Variants in PARVA observed in about 807,000 individuals in gnomAD.
The protein encoded by PARVA is alpha-parvin.
In PARVA, 25 loss-of-function variants were observed where a neutral mutation model predicts 52.6. The ratio of observed to expected loss-of-function variants is 0.48; its 90% CI spans 0.35 to 0.66. The LOEUF (loss-of-function observed/expected upper bound fraction) is 0.66, where lower values mean the gene tolerates loss of function less well. PARVA is among the 30% of genes least tolerant of loss of function. PARVA has a pLI of 0.01. For synonymous variants in PARVA, 185 were observed against 179.1 expected, an observed-to-expected ratio of 1.03 and a Z score of -0.26; for missense variants, 373 against 450.9, an observed-to-expected ratio of 0.83 and a Z score of 1.56.
At chr11:12,410,826 A>G (rs938013649) in intron 1 of PARVA, among the ~76,000 whole-genome samples, 2 of 152,240 alleles carry the variant, frequency 1.3e-5, no homozygotes, top group African/African-American at 2.4e-5. Context: ...TTCTTTTTCA[A>G]TAAAGTATCG....
At chr11:12,446,849 T>G (rs567713451) in intron 1 of PARVA, among the ~76,000 whole-genome samples, 4 of 152,222 alleles carry the variant, frequency 2.6e-5, no homozygotes, top group Non-Finnish European at 5.9e-5. Flanking sequence ...ACATTCTCAA[T>G]GTAGCCAGGT....
At position 12,473,966 on chromosome 11, in the gene PARVA, C is replaced by G. The variant is rs1341585791; in HGVS notation, c.280C>G (p.Leu94Val). 6.3e-7 allele frequency: 1 copy of G among 1,579,026 alleles called. No homozygotes were observed. Among genetic ancestry groups the G allele is most frequent in the South Asian group, 1.2e-5 (1 of 85,668 alleles). The change falls in exon 3 of 13, where the codon CTT becomes GTT. Residue 94 changes from leucine (L) to valine (V), a missense_variant. Transcript: ENST00000334956. ...VDPNSRSDPK[L>V]QELMKVLIDW... ...TCCAAACTCACGCAGTGACCCCAAG[C>G]TTCAAGAACTGATGAAGGTAAGAAG...
intron 1 of PARVA, among the ~76,000 whole-genome samples, chr11:12,436,351 T>TC (rs1940388737): frequency 2.6e-5 from 4 of 152,138 alleles, no homozygotes; most frequent in African/African-American, 7.2e-5. Context: ...GCAGAACTGG[T>TC]TGCTGGTCTC....
At chr11:12,466,705 C>T (rs1940858449) in intron 1 of PARVA, among the ~76,000 whole-genome samples, 1 of 151,240 alleles carries the variant, frequency 6.6e-6, no homozygotes, top group Non-Finnish European at 1.5e-5. Flanking sequence ...CCGTAGGTCA[C>T]ACAGATTTTC....
At chr11:12,500,619 G>A (rs773087772) in intron 5 of PARVA, among the ~76,000 whole-genome samples, 4 of 139,260 alleles carry the variant, frequency 2.9e-5, no homozygotes, top group Non-Finnish European at 6.2e-5. Flanking sequence ...GCAAAACCCC[G>A]TCTCTACTAA....
Position 12,504,365 on chromosome 11 carries a change from C to G in PARVA, c.593C>G (p.Ser198Cys), listed in dbSNP as rs1941404502. The G allele has an allele frequency of 6.2e-7, 1 of 1,613,772 alleles. No individual in the cohort carries two copies. Among genetic ancestry groups the G allele is most frequent in the Non-Finnish European group, 8.5e-7 (1 of 1,179,802 alleles). The change falls in exon 6 of 13, where the codon TCT becomes TGT. Residue 198 changes from serine (S) to cysteine (C), a missense_variant. Ser to Cys is a moderately radical substitution (Grantham distance 112). Coordinates refer to ENST00000334956, the MANE Select transcript of PARVA (RefSeq NM_018222.5). ...ATCTTACACCTGCTCGTTGCTCTGT[C>G]TCAGTATTTCCGCGCACCAATTCGA... ...VAILHLLVAL[S>C]QYFRAPIRLP...
chr11:12,430,922 G>T (rs1016142627), intron 1 of PARVA, among the ~76,000 whole-genome samples: 1 of 152,244 alleles, frequency 6.6e-6, no homozygotes, highest in South Asian at 2.1e-4. Flanking sequence ...AATCGCAAAA[G>T]CACAAGCTTT....
Position 12,446,950 on chromosome 11 carries a change from A to G in PARVA, c.137-26795A>G, listed in dbSNP as rs575485044. On this transcript the variant is annotated intron_variant, in intron 1 of 12. Transcript: ENST00000334956. ...CAGGGTAAATGTTGGTTGTGTCTTT[A>G]GAAAAATTCCCATACAGGATGAGTA... 1.7e-4 allele frequency among the ~76,000 whole-genome samples: 26 copies of G among 152,348 alleles called. No individual in the cohort carries two copies. The South Asian group carries it at 3.1e-3, about 18-fold the overall frequency.
In PARVA at chr11:12,517,620, G is replaced by T; in HGVS notation, c.878G>T (p.Gly293Val). The change falls in exon 11 of 13, where the codon GGG (glycine) becomes GTG (valine). Residue 293 changes from glycine (G) to valine (V), a missense_variant. By Grantham distance (109) the Gly-to-Val change is moderately radical. Coordinates refer to ENST00000334956, the MANE Select transcript of PARVA (RefSeq NM_018222.5). The stretch of plus-strand genomic sequence containing the variant: ...TGGCTCTTCCTCCAGTTTGCAGATG[G>T]GGTGTACCTGGTGCTGCTCATGGGG... The part of the protein sequence containing the change: ...VTELETQFAD[G>V]VYLVLLMGLL... 1 of 1,596,350 alleles carries T rather than the reference G, an allele frequency of 6.3e-7. No individual in the cohort carries two copies. The highest frequency in any genetic ancestry group is 8.5e-7 in the Non-Finnish European group (1 of 1,170,878).
chr11:12,508,115 A>C (rs1318225700), intron 6 of PARVA, among the ~76,000 whole-genome samples: 96 of 124,170 alleles, frequency 7.7e-4, no homozygotes, highest in East Asian at 2.1e-3. Context: ...AAAAAAAAAA[A>C]AAAAAAACCA....
chr11:12,486,331 C>T (rs929640116), intron 4 of PARVA, among the ~76,000 whole-genome samples: 5 of 151,972 alleles, frequency 3.3e-5, no homozygotes, highest in Non-Finnish European at 5.9e-5. Flanking sequence ...GTCGGGAGTT[C>T]GAGACCAGCC....
intron 12 of PARVA, among the ~76,000 whole-genome samples, chr11:12,520,093 A>C (rs776426535): frequency 2.6e-4 from 40 of 152,268 alleles, no homozygotes; most frequent in Non-Finnish European, 4.4e-4. Flanking sequence ...CTTGGGACAG[A>C]TAATTTTCCC....
chr11:12,422,151 AC>A (rs1369846475), intron 1 of PARVA, among the ~76,000 whole-genome samples: 2 of 152,230 alleles, frequency 1.3e-5, no homozygotes, highest in African/African-American at 4.8e-5. Context: ...AGGTCAATTC[AC>A]ATGATCACTT....
chr11:12,507,120 T>C (rs932465982), intron 6 of PARVA, among the ~76,000 whole-genome samples: 1 of 152,184 alleles, frequency 6.6e-6, no homozygotes, highest in African/African-American at 2.4e-5. Context: ...CTAAGCCAGA[T>C]AGACTCTTGG....
intron 1 of PARVA, among the ~76,000 whole-genome samples, chr11:12,406,661 G>GTTTTTGT (rs1939912807): frequency 1.3e-5 from 1 of 77,798 alleles, no homozygotes; most frequent in African/African-American, 5.4e-5. Flanking sequence ...GGTTGTATCT[G>GTTTTTGT]TTTTTTTTTT....
intron 4 of PARVA, 118 bp from the exon 5 acceptor site, chr11:12,496,340 T>TTTCAAGAGTGCATGCA: frequency 7.6e-6 from 3 of 394,056 alleles, no homozygotes; most frequent in Non-Finnish European, 1.1e-5. Context: ...GTATCTATTG[T>TTTCAAGAGTGCATGCA]TGCAAGAGTG....
chr11:12,484,620 C>CCACTAG (rs1286139434), intron 4 of PARVA, among the ~76,000 whole-genome samples: 1 of 150,804 alleles, frequency 6.6e-6, no homozygotes, highest in Non-Finnish European at 1.5e-5. Context: ...ATAATAATAT[C>CCACTAG]CACTAGGCAA....
At chr11:12,449,730 A>T (rs1940598516) in intron 1 of PARVA, among the ~76,000 whole-genome samples, 1 of 152,182 alleles carries the variant, frequency 6.6e-6, no homozygotes, top group South Asian at 2.1e-4. Context: ...CAACTGTGGG[A>T]GTGGGGGATT....
chr11:12,526,899 G>C (rs1422021912), intron 12 of PARVA, among the ~76,000 whole-genome samples: 2 of 152,064 alleles, frequency 1.3e-5, no homozygotes, highest in Admixed American at 6.5e-5. Flanking sequence ...CAGAGGGTTA[G>C]AGGAACAGCC....
Sources: gnomAD v4.1 joint callset for allele counts (sites outside exome capture counted in the v4.1 genomes callset) on GRCh38, gnomAD v4.1.1 for gene constraint, MANE v1.5 for transcripts, NCBI Gene and HGNC (gene_info 2026-07-23, HGNC 2026-07-21) for gene names.